Variants in PROM2 observed in about 807,000 individuals in gnomAD.
PROM2 encodes the protein prominin 2.
Under a neutral mutation model 110.2 loss-of-function variants are expected in PROM2, and 90 were observed. That is an observed-to-expected ratio of 0.82 (90% confidence interval 0.69 to 0.97). PROM2 has a LOEUF of 0.97. Ranked by LOEUF, PROM2 falls within the 50% of genes least tolerant of loss-of-function variation. PROM2 has a pLI of 0.00. For missense variants in PROM2, 1,009 were observed against 1,074.8 expected (o/e 0.94, Z 0.86); for synonymous variants, 470 against 467.8 (o/e 1.00, Z -0.06).
At position 95,277,075 on chromosome 2, in the gene PROM2, G is replaced by A. The variant is rs1020166427; in HGVS notation, c.772+14G>A. The stretch of plus-strand genomic sequence containing the variant: ...GTTTGGGCCAGGGTGAGCTGGAGCC[G>A]CATCCTGGATAGTGTGGAGCCCAGC... On this transcript the variant is annotated intron_variant, in intron 6 of 23. Transcript: ENST00000317620. The A allele has an allele frequency of 7.1e-6, 11 of 1,546,810 alleles. No homozygotes were observed. The highest frequency in any genetic ancestry group is 1.2e-5 in the South Asian group (1 of 83,632).
At chr2:95,279,755 A>G (rs1412419391) in intron 10 of PROM2, 90 bp from the exon 11 acceptor site, 2 of 1,122,734 alleles carry the variant, frequency 1.8e-6, no homozygotes, top group African/African-American at 1.6e-5. Flanking sequence ...TTGGGGTTAG[A>G]GGCCACACCC....
intron 19 of PROM2, 91 bp from the exon 20 acceptor site, chr2:95,287,305 C>T (rs1249407032): frequency 1.9e-6 from 3 of 1,578,878 alleles, no homozygotes; most frequent in African/African-American, 1.4e-5. Context: ...CTGGGCCTGT[C>T]CTCAAGTTGC....
In PROM2 at chr2:95,275,657, G is replaced by A. The variant is rs1407446502; in HGVS notation, c.294+147G>A. ...GCATCCTCTCCCCTCCTCTGTGGGCGCTGCAGTCCGTAGACCTGGGTGCAA... is the reference window on the plus strand; with the variant it reads ...GCATCCTCTCCCCTCCTCTGTGGGCACTGCAGTCCGTAGACCTGGGTGCAA... On this transcript the variant is annotated intron_variant, in intron 2 of 23. Transcript: ENST00000317620. The surrounding 1 kb of genome is among the most constrained non-coding windows in gnomAD (Gnocchi z 4.4). 11 of 1,347,372 alleles carry A rather than the reference G, an allele frequency of 8.2e-6. No homozygotes were observed. Among genetic ancestry groups the A allele is most frequent in the Admixed American group, 2.5e-5 (1 of 40,698 alleles). 83.5% of individuals were successfully genotyped at this position (1,347,372 alleles called of 1,614,324 possible). A position where few individuals can be genotyped will look rare whatever the true frequency, so the allele number is the denominator to read the frequency against.
intron 14 of PROM2, among the ~76,000 whole-genome samples, chr2:95,283,662 C>T (rs1041586805): frequency 2.8e-4 from 43 of 152,208 alleles, no homozygotes; most frequent in African/African-American, 1.0e-3. Context: ...GTGGACGCTC[C>T]ACTCTGACCT....
chr2:95,288,195 C>A lies in PROM2; in HGVS notation c.2245-16C>A. ...CCAGGTGTCTCTGCATCACCTGCCT[C>A]ATGTTGGCGCCACAGGTGACTCAGC... On this transcript the variant is annotated splice_polypyrimidine_tract_variant and intron_variant, in intron 20 of 23. Coordinates refer to ENST00000317620, the MANE Select transcript of PROM2 (RefSeq NM_001165978.3). The A allele has an allele frequency of 6.2e-7, 1 of 1,612,532 alleles. No homozygotes were observed. Among genetic ancestry groups the A allele is most frequent in the Non-Finnish European group, 8.5e-7 (1 of 1,179,836 alleles).
At chr2:95,280,027 C>G in intron 11 of PROM2, 30 bp downstream of exon 11, 1 of 1,385,570 alleles carries the variant, frequency 7.2e-7, no homozygotes, top group Non-Finnish European at 9.4e-7. Context: ...GGGGAAGGGT[C>G]CCCTCTTATA....
In PROM2 at chr2:95,280,067, A is replaced by G. The variant is rs1253022183; in HGVS notation, c.1427+70A>G. 3.8e-6 allele frequency: 5 copies of G among 1,328,224 alleles called. No individual in the cohort carries two copies. The African/African-American group carries it at 7.5e-5, about 20-fold the overall frequency. 82.3% of individuals were successfully genotyped at this position (1,328,224 alleles called of 1,614,324 possible). Reference sequence around the variant, plus strand: ...TGGCTGATTACTCTCGCTCCTGAGCATAGCTCCCGGTGTGGCTGCCAGTGT... The same window carrying G: ...TGGCTGATTACTCTCGCTCCTGAGCGTAGCTCCCGGTGTGGCTGCCAGTGT... On this transcript the variant is annotated intron_variant, in intron 11 of 23. Coordinates refer to ENST00000317620, the MANE Select transcript of PROM2 (RefSeq NM_001165978.3).
At chr2:95,278,187 G>A in intron 8 of PROM2, 183 bp downstream of exon 8, 1 of 611,550 alleles carries the variant, frequency 1.6e-6, no homozygotes, top group East Asian at 2.8e-5. Flanking sequence ...TCAGATGGGA[G>A]AGCTGGGCCC....
At position 95,286,535 on chromosome 2, in the gene PROM2, TCACCA is replaced by T; in HGVS notation, c.2005_2009del (p.His669GlyfsTer58). 1 of 1,613,702 alleles carries T rather than the reference TCACCA, an allele frequency of 6.2e-7. No homozygotes were observed. The highest frequency in any genetic ancestry group is 1.1e-5 in the South Asian group (1 of 91,056). On this transcript the variant is annotated frameshift_variant, in exon 17 of 24. Coordinates refer to ENST00000317620, the MANE Select transcript of PROM2 (RefSeq NM_001165978.3). LOFTEE classifies it high-confidence loss of function. ...AGGAGGCCCAAGGACTCAGAAACCT[TCACCA>T]GGAGAAGGTCGTCCCCCAGCAGAGC...
rs754710931 is a variant in PROM2, at chr2:95,289,297, C to T, written c.*84C>T. 71 of 465,220 alleles carry T rather than the reference C, an allele frequency of 1.5e-4. No individual in the cohort carries two copies. Among genetic ancestry groups the T allele is most frequent in the Non-Finnish European group, 2.4e-4 (60 of 252,402 alleles). 28.8% of individuals were successfully genotyped at this position (465,220 alleles called of 1,614,324 possible). On this transcript the variant is annotated 3_prime_UTR_variant, in exon 24 of 24. Coordinates refer to ENST00000317620, the MANE Select transcript of PROM2 (RefSeq NM_001165978.3). ...GCCACAGGACTTCGGTAGCTCTTGC[C>T]CCAGAGCCCAGGCTGGCATCCAGGC... is the stretch of plus-strand genomic sequence containing the variant.
At chr2:95,285,186 TG>T in intron 15 of PROM2, 71 bp downstream of exon 15, 1 of 1,434,984 alleles carries the variant, frequency 7.0e-7, no homozygotes, top group African/African-American at 1.4e-5. Flanking sequence ...ACAGAGGAGC[TG>T]GGTGTGCATC....
chr2:95,287,957 G>A (rs1255573164), intron 20 of PROM2, among the ~76,000 whole-genome samples: 1 of 152,246 alleles, frequency 6.6e-6, no homozygotes, highest in African/African-American at 2.4e-5. Flanking sequence ...TTGACACACA[G>A]TGCTGGGTCA....
intron 20 of PROM2, 47 bp downstream of exon 20, chr2:95,287,511 C>A: frequency 6.3e-7 from 1 of 1,586,796 alleles, no homozygotes; most frequent in Non-Finnish European, 8.6e-7. Context: ...CTCCATCGGA[C>A]CAGCTGTTCA....
rs1345270536 is a variant in PROM2, at chr2:95,278,447, G to C, written c.1051-274G>C. ...GTGGACTGGAGCTGGACCTTCAGGA[G>C]CTAGACCTGGCAGTTGTGTGGAGGG... On this transcript the variant is annotated intron_variant, in intron 8 of 23. Coordinates refer to ENST00000317620, the MANE Select transcript of PROM2 (RefSeq NM_001165978.3). The C allele has an allele frequency of 5.2e-6, 3 of 575,300 alleles. No individual in the cohort carries two copies. In the Admixed American group the frequency reaches 9.0e-5, roughly 17 times the overall value. The allele number at this position is 575,300 out of a possible 1,614,324, so 35.6% of individuals were successfully genotyped here.
chr2:95,276,413 G>C lies in PROM2; in HGVS notation c.618+66G>C, dbSNP rs762015068. On this transcript the variant is annotated intron_variant, in intron 4 of 23. Transcript: ENST00000317620. The surrounding 1 kb of genome is among the most constrained non-coding windows in gnomAD (Gnocchi z 4.6). Reference sequence around the variant, plus strand: ...CACTGGGCCCGGGCAGGACAGAGCCGAGTGGGCCCTCGATGGCCCATAACC... The same window carrying C: ...CACTGGGCCCGGGCAGGACAGAGCCCAGTGGGCCCTCGATGGCCCATAACC... 7 of 1,597,784 alleles carry C rather than the reference G, an allele frequency of 4.4e-6. No individual in the cohort carries two copies. The highest frequency in any genetic ancestry group is 1.3e-5 in the African/African-American group (1 of 74,614).
Position 95,281,320 on chromosome 2 carries a change from G to T in PROM2, c.1506G>T (p.Val502=). 1 of 1,613,296 alleles carries T rather than the reference G, an allele frequency of 6.2e-7. No individual in the cohort carries two copies. The highest frequency in any genetic ancestry group is 8.5e-7 in the Non-Finnish European group (1 of 1,179,924). The change falls in exon 12 of 24, where the codon GTG becomes GTT. Residue 502 remains valine, a synonymous_variant. Transcript: ENST00000317620. ...CCACCTTCCTGGTGGGTGGCAACGTGCAGACGCTGGTGTGCCAGAGCTGGG... is the reference window on the plus strand; with the variant it reads ...CCACCTTCCTGGTGGGTGGCAACGTTCAGACGCTGGTGTGCCAGAGCTGGG... ...VFATFLVGGN[V]QTLVCQSWEN... is the part of the protein sequence containing the mutation.
intron 6 of PROM2, 119 bp downstream of exon 6, chr2:95,277,180 A>G: frequency 7.9e-6 from 9 of 1,140,948 alleles, no homozygotes; most frequent in Non-Finnish European, 7.4e-6. Context: ...TGACTTCCCC[A>G]TCGCTGTACC....
chr2:95,288,757 C>T (rs750436953), intron 22 of PROM2, among the ~76,000 whole-genome samples, 168 bp downstream of exon 22: 17 of 152,340 alleles, frequency 1.1e-4, no homozygotes, highest in Middle Eastern at 6.8e-3. Flanking sequence ...GAAGTTCTCC[C>T]GTATGTCTGC....
intron 8 of PROM2, 105 bp downstream of exon 8, chr2:95,278,109 C>A: frequency 2.2e-6 from 2 of 899,374 alleles, no homozygotes; most frequent in South Asian, 1.5e-5. Flanking sequence ...TTTGGGGTCC[C>A]ACCCACCACA....
Sources: gnomAD v4.1 joint callset for allele counts (sites outside exome capture counted in the v4.1 genomes callset) on GRCh38, gnomAD v4.1.1 for gene constraint, Gnocchi (gnomAD v3.1) non-coding constraint, MANE v1.5 for transcripts, NCBI Gene and HGNC (gene_info 2026-07-23, HGNC 2026-07-21) for gene names.